PDE1A: variants seen among roughly 807,000 people sequenced by gnomAD.
The protein encoded by PDE1A is phosphodiesterase 1A.
PDE1A carries 35 observed loss-of-function variants against 61.7 expected under a neutral mutation model. That is an observed-to-expected ratio of 0.57 (90% CI 0.43 to 0.75). The LOEUF is 0.75. PDE1A is among the 30% of genes least tolerant of loss of function. The probability of loss-of-function intolerance (pLI) is 0.00; values close to 1 mark genes in which losing one functional copy is unlikely to be tolerated. For missense variants in PDE1A, 597 were observed against 630.6 expected (o/e 0.95, Z 0.57); for synonymous variants, 232 against 213.2 (o/e 1.09, Z -0.77).
intron 2 of PDE1A, among the ~76,000 whole-genome samples, chr2:182,437,010 T>G (rs1489382371): frequency 6.6e-6 from 1 of 151,990 alleles, no homozygotes; most frequent in African/African-American, 2.4e-5. Context: ...AATTGAGACT[T>G]GATTTCAGAG....
chr2:182,700,942 T>C, the PDE1A span, among the ~76,000 whole-genome samples: 1 of 152,090 alleles, frequency 6.6e-6, no homozygotes, highest in Middle Eastern at 3.4e-3. Flanking sequence ...AAGTAATTCA[T>C]TAAATGCATG....
At chr2:182,630,843 A>G in the PDE1A span, among the ~76,000 whole-genome samples, 1 of 152,172 alleles carries the variant, frequency 6.6e-6, no homozygotes, top group Non-Finnish European at 1.5e-5. Context: ...CACAGACATC[A>G]TAAACACACC....
intron 2 of PDE1A, among the ~76,000 whole-genome samples, chr2:182,491,765 A>ACTGTTC (rs56972750): frequency 6.6e-6 from 1 of 151,460 alleles, no homozygotes; most frequent in African/African-American, 2.4e-5. Context: ...ATATTCTCAT[A>ACTGTTC]CTTTTTCCTT....
intron 1 of PDE1A, among the ~76,000 whole-genome samples, chr2:182,371,418 G>T (rs757315809): frequency 1.3e-5 from 2 of 152,152 alleles, no homozygotes; most frequent in Non-Finnish European, 2.9e-5. Flanking sequence ...TCTGATAAAA[G>T]TTTATTGTTA....
intron 2 of PDE1A, among the ~76,000 whole-genome samples, chr2:182,434,833 T>C (rs567392824): frequency 7.0e-4 from 106 of 152,078 alleles, no homozygotes; most frequent in Non-Finnish European, 1.2e-3. Flanking sequence ...ACTCAGTTCA[T>C]TGGCCACAAA....
chr2:182,478,775 C>T (rs1320314866), intron 2 of PDE1A, among the ~76,000 whole-genome samples: 1 of 151,806 alleles, frequency 6.6e-6, no homozygotes, highest in East Asian at 1.9e-4. Flanking sequence ...ACTTTTCATG[C>T]CCCAGATCCC....
the PDE1A span, among the ~76,000 whole-genome samples, chr2:182,555,965 CAAAAAAAAAAAAAAAAAAA>C: frequency 2.1e-5 from 1 of 48,420 alleles, no homozygotes; most frequent in Non-Finnish European, 3.4e-5. Context: ...AACTCCATCT[CAAAAAAAAAAAAAAAAAAA>C]AAAAAAAAAA....
chr2:182,190,021 A>G (rs982755853), intron 10 of PDE1A, among the ~76,000 whole-genome samples: 2 of 152,202 alleles, frequency 1.3e-5, no homozygotes, highest in African/African-American at 2.4e-5. Context: ...TAAGGACTCC[A>G]CGGTTTCCTT....
chr2:182,462,725 T>TC (rs2125772136), intron 2 of PDE1A, among the ~76,000 whole-genome samples: 1 of 152,114 alleles, frequency 6.6e-6, no homozygotes, highest in Non-Finnish European at 1.5e-5. Context: ...ATATGTCCCC[T>TC]CCCCAACAAG....
At chr2:182,485,280 C>T (rs1239339492) in intron 2 of PDE1A, among the ~76,000 whole-genome samples, 1 of 152,004 alleles carries the variant, frequency 6.6e-6, no homozygotes, top group East Asian at 1.9e-4. Flanking sequence ...AACCAAATAT[C>T]ACGTGTTCTC....
At chr2:182,452,424 C>T (rs1422078416) in intron 2 of PDE1A, among the ~76,000 whole-genome samples, 2 of 152,122 alleles carry the variant, frequency 1.3e-5, no homozygotes, top group African/African-American at 4.8e-5. Flanking sequence ...TTGATAAGTG[C>T]ACGCTAGAAG....
the PDE1A span, among the ~76,000 whole-genome samples, chr2:182,544,098 C>T: frequency 6.6e-6 from 1 of 152,136 alleles, no homozygotes; most frequent in Non-Finnish European, 1.5e-5. Context: ...AGAATCCTAA[C>T]CTTCTTAAAA....
At chr2:182,293,328 T>C (rs1033369956) in intron 1 of PDE1A, among the ~76,000 whole-genome samples, 1 of 151,982 alleles carries the variant, frequency 6.6e-6, no homozygotes, top group East Asian at 1.9e-4. Flanking sequence ...GAAAATAAAT[T>C]AGGAAAAACA....
chr2:182,557,847 A>G, the PDE1A span, among the ~76,000 whole-genome samples: 2 of 152,196 alleles, frequency 1.3e-5, no homozygotes, highest in African/African-American at 4.8e-5. Flanking sequence ...AAACATCCAT[A>G]GCTTGAGCAA....
intron 13 of PDE1A, among the ~76,000 whole-genome samples, chr2:182,184,471 C>A (rs747479597): frequency 2.6e-5 from 4 of 152,020 alleles, no homozygotes; most frequent in Admixed American, 6.6e-5. Context: ...TTCAACAATT[C>A]TAAATCAAGT....
intron 2 of PDE1A, among the ~76,000 whole-genome samples, chr2:182,471,315 T>A (rs1389481805): frequency 6.6e-6 from 1 of 151,748 alleles, no homozygotes; most frequent in East Asian, 1.9e-4. Context: ...TCCCTATGCC[T>A]ACCACAGAAT....
At chr2:182,388,166 G>C (rs1701224666) in intron 1 of PDE1A, among the ~76,000 whole-genome samples, 1 of 152,086 alleles carries the variant, frequency 6.6e-6, no homozygotes, top group Non-Finnish European at 1.5e-5. Flanking sequence ...CAACATTGTA[G>C]CACTTAAATA....
chr2:182,609,798 A>G, the PDE1A span, among the ~76,000 whole-genome samples: 655 of 151,970 alleles, frequency 4.3e-3, 2 homozygotes, highest in African/African-American at 0.015. Flanking sequence ...TTCCTAGGAA[A>G]AAGAAACGGA....
chr2:182,611,825 T>C, the PDE1A span, among the ~76,000 whole-genome samples: 3 of 152,032 alleles, frequency 2.0e-5, no homozygotes, highest in Non-Finnish European at 4.4e-5. Flanking sequence ...AGAACAATAA[T>C]ATTTGAAACT....
Sources: allele counts gnomAD v4.1 joint callset (sites outside exome capture counted in the v4.1 genomes callset), GRCh38; gene constraint gnomAD v4.1.1; transcripts MANE v1.5; gene names NCBI Gene and HGNC (gene_info 2026-07-23, HGNC 2026-07-21).